Variants in CNTN4 observed in about 807,000 individuals in gnomAD.
CNTN4 encodes contactin-4.
A neutral mutation model predicts 122.5 loss-of-function variants in CNTN4; 77 were observed. The observed-to-expected ratio is 0.63, with a 90% CI of 0.52 to 0.76. The LOEUF is 0.76. CNTN4 is among the 30% of genes least tolerant of loss of function. CNTN4 has a pLI of 0.00. For synonymous variants in CNTN4, 512 were observed against 447.0 expected (o/e 1.15, Z -1.83); for missense variants, 1,256 against 1,259.1 (o/e 1.00, Z 0.04).
At chr3:2,770,035 G>T (rs67818628) in intron 6 of CNTN4, among the ~76,000 whole-genome samples, 1,865 of 34,050 alleles carry the variant, frequency 0.055, 37 homozygotes, top group African/African-American at 0.14. Context: ...TTGTTTGTTT[G>T]TTTTTTTTTT....
intron 3 of CNTN4, among the ~76,000 whole-genome samples, chr3:2,342,415 C>A (rs1311240706): frequency 1.3e-5 from 2 of 152,076 alleles, no homozygotes; most frequent in Non-Finnish European, 2.9e-5. Flanking sequence ...CTGGGATAAA[C>A]CTTGAAAATA....
At chr3:2,216,656 C>T (rs1349788660) in intron 2 of CNTN4, among the ~76,000 whole-genome samples, 1 of 152,070 alleles carries the variant, frequency 6.6e-6, no homozygotes, top group Non-Finnish European at 1.5e-5. Context: ...TGGATTTCAA[C>T]CCCCAAATTT....
intron 2 of CNTN4, among the ~76,000 whole-genome samples, chr3:2,237,018 ATGG>A (rs2039706619): frequency 6.6e-6 from 1 of 152,166 alleles, no homozygotes; most frequent in African/African-American, 2.4e-5. Context: ...AGAAGATGAG[ATGG>A]TGGGAATATT....
intron 4 of CNTN4, among the ~76,000 whole-genome samples, chr3:2,641,892 T>C (rs959510614): frequency 2.0e-5 from 3 of 152,228 alleles, no homozygotes; most frequent in African/African-American, 7.2e-5. Flanking sequence ...TTGAATCATA[T>C]ACTTAATTAT....
At chr3:2,171,802 A>C (rs1350900918) in intron 2 of CNTN4, among the ~76,000 whole-genome samples, 1 of 152,202 alleles carries the variant, frequency 6.6e-6, no homozygotes, top group East Asian at 1.9e-4. Flanking sequence ...TTACTTACTG[A>C]ATAGTATGTA....
chr3:2,214,534 GT>G (rs1461394840), intron 2 of CNTN4, among the ~76,000 whole-genome samples: 1 of 152,148 alleles, frequency 6.6e-6, no homozygotes, highest in Non-Finnish European at 1.5e-5. Context: ...AAAACAGACA[GT>G]TTCTCAGATT....
At chr3:2,961,025 T>TCGAGA (rs71058656) in intron 13 of CNTN4, among the ~76,000 whole-genome samples, 47,974 of 140,194 alleles carry the variant, frequency 0.34, 7,848 homozygotes, top group East Asian at 0.6. Flanking sequence ...GGTCAGGAGA[T>TCGAGA]CGAGACCATC....
At chr3:2,538,218 G>A (rs903167875) in intron 3 of CNTN4, among the ~76,000 whole-genome samples, 1 of 152,030 alleles carries the variant, frequency 6.6e-6, no homozygotes, top group Non-Finnish European at 1.5e-5. Context: ...AATAGAAGGA[G>A]ACCTTTTCCT....
intron 6 of CNTN4, among the ~76,000 whole-genome samples, chr3:2,785,580 C>G (rs2091778916): frequency 1.3e-5 from 2 of 152,158 alleles, no homozygotes; most frequent in African/African-American, 2.4e-5. Flanking sequence ...CTAATAATCA[C>G]AAATGTTTAA....
At chr3:2,582,761 A>C (rs2080002419) in intron 4 of CNTN4, among the ~76,000 whole-genome samples, 1 of 152,134 alleles carries the variant, frequency 6.6e-6, no homozygotes, top group African/African-American at 2.4e-5. Flanking sequence ...CTAGATTGGC[A>C]TCCCTAGGAA....
At chr3:3,011,234 G>A (rs2125503329) in intron 14 of CNTN4, among the ~76,000 whole-genome samples, 1 of 152,238 alleles carries the variant, frequency 6.6e-6, no homozygotes, top group South Asian at 2.1e-4. Flanking sequence ...GACCTTTCAT[G>A]TCCCTCAATA....
At chr3:2,602,890 A>G (rs2081106479) in intron 4 of CNTN4, among the ~76,000 whole-genome samples, 1 of 152,180 alleles carries the variant, frequency 6.6e-6, no homozygotes, top group Non-Finnish European at 1.5e-5. Flanking sequence ...AGCAAGGCTT[A>G]AGTAAGGGGG....
At chr3:2,106,045 A>G (rs894988529) in intron 2 of CNTN4, among the ~76,000 whole-genome samples, 2 of 152,192 alleles carry the variant, frequency 1.3e-5, no homozygotes, top group Admixed American at 6.5e-5. Flanking sequence ...CTCCGAAATC[A>G]TCTTCTTTAA....
chr3:2,933,083 A>G (rs1366095902), intron 13 of CNTN4, among the ~76,000 whole-genome samples: 2 of 152,086 alleles, frequency 1.3e-5, no homozygotes, highest in Non-Finnish European at 2.9e-5. Context: ...CGGCCTCCCA[A>G]AGTGCTGGGA....
In CNTN4 at chr3:2,973,947, T is replaced by C. The variant is rs772977042; in HGVS notation, c.1359-14398T>C. Among the ~76,000 whole-genome samples the C allele has an allele frequency of 3.9e-5, 6 of 152,298 alleles. No homozygotes were observed. In the East Asian group the frequency reaches 9.6e-4, roughly 24 times the overall value. Reference sequence around the variant, plus strand: ...GATGTGTGTTTCACAAGGTACAAGATTGGCACTTCTCCAAGTACTCAGATC... The same window carrying C: ...GATGTGTGTTTCACAAGGTACAAGACTGGCACTTCTCCAAGTACTCAGATC... On this transcript the variant is annotated intron_variant, in intron 13 of 24. Coordinates refer to ENST00000418658, the MANE Select transcript of CNTN4 (RefSeq NM_175607.3).
At chr3:2,447,622 CAATA>C (rs1410228598) in intron 3 of CNTN4, among the ~76,000 whole-genome samples, 1 of 151,752 alleles carries the variant, frequency 6.6e-6, no homozygotes, top group African/African-American at 2.4e-5. Flanking sequence ...TGTATATATT[CAATA>C]AATTTATTCA....
intron 3 of CNTN4, among the ~76,000 whole-genome samples, chr3:2,432,620 G>A (rs548385081): frequency 6.6e-6 from 1 of 151,688 alleles, no homozygotes. Context: ...GTGTATGTGT[G>A]TATATATATG....
chr3:2,710,749 G>T (rs1041257140), intron 4 of CNTN4, among the ~76,000 whole-genome samples: 3 of 152,104 alleles, frequency 2.0e-5, no homozygotes, highest in African/African-American at 4.8e-5. Context: ...CATAAAGTTT[G>T]TTACAAAGGA....
At chr3:2,353,342 G>T (rs569142933) in intron 3 of CNTN4, among the ~76,000 whole-genome samples, 2 of 152,308 alleles carry the variant, frequency 1.3e-5, no homozygotes, top group East Asian at 3.9e-4. Context: ...CAATCATCAG[G>T]ATGTGGGTGG....
Sources: gnomAD v4.1 joint callset for allele counts (sites outside exome capture counted in the v4.1 genomes callset) on GRCh38, gnomAD v4.1.1 for gene constraint, MANE v1.5 for transcripts, NCBI Gene and HGNC (gene_info 2026-07-23, HGNC 2026-07-21) for gene names.